SPIDR: variants seen among roughly 807,000 people sequenced by gnomAD.
The protein encoded by SPIDR is scaffold protein involved in DNA repair, also known as DNA repair-scaffolding protein.
In SPIDR, 93 loss-of-function variants were observed where a neutral mutation model predicts 104.6. That is an observed-to-expected ratio of 0.89 (90% CI 0.75 to 1.06). The LOEUF (loss-of-function observed/expected upper bound fraction) is 1.06. SPIDR is among the 50% of genes least tolerant of loss of function. The probability of loss-of-function intolerance (pLI) is 0.00; values close to 1 mark genes in which losing one functional copy is unlikely to be tolerated. For synonymous variants in SPIDR, 431 were observed against 416.9 expected (o/e 1.03, Z -0.41); for missense variants, 1,154 against 1,111.2 (o/e 1.04, Z -0.55).
Position 47,735,847 on chromosome 8 carries a change from T to TG in SPIDR, c.*398dup. The TG allele has an allele frequency of 2.8e-6, 1 of 357,770 alleles. No individual in the cohort carries two copies. The highest frequency in any genetic ancestry group is 5.2e-6 in the Non-Finnish European group (1 of 192,110). 22.2% of individuals were successfully genotyped at this position (357,770 alleles called of 1,614,324 possible). A position where few individuals can be genotyped will look rare whatever the true frequency, so the allele number is the denominator to read the frequency against. On this transcript the variant is annotated 3_prime_UTR_variant, in exon 20 of 20. Coordinates refer to ENST00000297423, the MANE Select transcript of SPIDR (RefSeq NM_001080394.4). ...TTTAACATTCCCCCAAAGAATACCCTGCAAAGTGTAAACCTTTGTCCCATA... is the reference window on the plus strand; with the variant it reads ...TTTAACATTCCCCCAAAGAATACCCTGGCAAAGTGTAAACCTTTGTCCCATA...
chr8:47,375,639 A>G (rs1427136198), intron 5 of SPIDR, among the ~76,000 whole-genome samples: 1 of 152,042 alleles, frequency 6.6e-6, no homozygotes, highest in Non-Finnish European at 1.5e-5. Flanking sequence ...TACTAGAAAA[A>G]TTTTTTTAAA....
intron 10 of SPIDR, among the ~76,000 whole-genome samples, chr8:47,645,581 A>T (rs1172063381): frequency 6.6e-6 from 1 of 152,216 alleles, no homozygotes; most frequent in East Asian, 1.9e-4. Flanking sequence ...AAACACTGTA[A>T]GATAAATAAC....
chr8:47,730,590 A>AT (rs373317602), intron 19 of SPIDR, among the ~76,000 whole-genome samples: 17 of 151,788 alleles, frequency 1.1e-4, no homozygotes, highest in Middle Eastern at 6.8e-3. Flanking sequence ...TCTAGCCAGA[A>AT]TTTTTTTTTA....
At position 47,443,745 on chromosome 8, in the gene SPIDR, G is replaced by A. The variant is rs371897580; in HGVS notation, c.1097+3203G>A. On this transcript the variant is annotated intron_variant, in intron 8 of 19. Coordinates refer to ENST00000297423, the MANE Select transcript of SPIDR (RefSeq NM_001080394.4). ...GCACCCTTCTGTGTTCATTTAAACTGTTTTTTTTTTTTAACATGGGCACAG... is the reference window on the plus strand; with the variant it reads ...GCACCCTTCTGTGTTCATTTAAACTATTTTTTTTTTTTAACATGGGCACAG... Among the ~76,000 whole-genome samples the A allele has an allele frequency of 1.6e-4, 22 of 137,284 alleles. No homozygotes were observed. In the East Asian group the frequency reaches 2.7e-3, roughly 17 times the overall value. The allele number at this position is 137,284 out of a possible 152,430, so 90.1% of individuals were successfully genotyped here.
At chr8:47,331,000 TTGTCAGCATTTGGTGG>T (rs1360091653) in intron 5 of SPIDR, 2 of 315,646 alleles carry the variant, frequency 6.3e-6, no homozygotes, top group African/African-American at 4.3e-5. Flanking sequence ...CTCCATATTC[TTGTCAGCATTTGGTGG>T]TGTCAGTGTT....
At chr8:47,312,023 T>G (rs1415177407) in intron 5 of SPIDR, among the ~76,000 whole-genome samples, 1 of 152,176 alleles carries the variant, frequency 6.6e-6, no homozygotes, top group Non-Finnish European at 1.5e-5. Context: ...TCCAGTTTGA[T>G]CCATGTCCCT....
chr8:47,500,310 T>C (rs567948998), intron 8 of SPIDR, among the ~76,000 whole-genome samples: 10 of 152,322 alleles, frequency 6.6e-5, no homozygotes, highest in Non-Finnish European at 1.2e-4. Flanking sequence ...ACCTGTTGTT[T>C]CCTGACTTTT....
chr8:47,384,128 T>C (rs2059622951), intron 5 of SPIDR, among the ~76,000 whole-genome samples: 1 of 152,210 alleles, frequency 6.6e-6, no homozygotes, highest in African/African-American at 2.4e-5. Context: ...TACTGAATTC[T>C]TAGGGCTACA....
At chr8:47,437,627 C>A (rs1296085881) in intron 7 of SPIDR, among the ~76,000 whole-genome samples, 1 of 151,962 alleles carries the variant, frequency 6.6e-6, no homozygotes, top group Non-Finnish European at 1.5e-5. Flanking sequence ...AGCCAAAAAA[C>A]ACATGAAAAA....
chr8:47,345,242 T>C (rs113929324), intron 5 of SPIDR, among the ~76,000 whole-genome samples: 5,280 of 152,340 alleles, frequency 0.035, 160 homozygotes, highest in Admixed American at 0.091. Context: ...TTTCTTGTTT[T>C]TGTCAGATTT....
At chr8:47,466,283 T>C (rs1367225572) in intron 8 of SPIDR, among the ~76,000 whole-genome samples, 1 of 152,168 alleles carries the variant, frequency 6.6e-6, no homozygotes, top group Non-Finnish European at 1.5e-5. Flanking sequence ...TAAAACACTC[T>C]TCTGCAAATG....
chr8:47,566,999 A>T (rs543518557), intron 8 of SPIDR, among the ~76,000 whole-genome samples: 17 of 152,340 alleles, frequency 1.1e-4, no homozygotes, highest in African/African-American at 3.6e-4. Flanking sequence ...TATATAAGTC[A>T]TCAGGTTAAG....
chr8:47,576,295 G>A lies in SPIDR; in HGVS notation c.1098-19516G>A, dbSNP rs149907144. 2.6e-4 allele frequency among the ~76,000 whole-genome samples: 39 copies of A among 152,282 alleles called. No individual in the cohort carries two copies. In the East Asian group the frequency reaches 7.5e-3, roughly 29 times the overall value. On this transcript the variant is annotated intron_variant, in intron 8 of 19. Coordinates refer to ENST00000297423, the MANE Select transcript of SPIDR (RefSeq NM_001080394.4). ...GCCTCCAGAGCAGCTAGGATTACAGGCACATGCCACCACACCCAGCTAATT... is the reference window on the plus strand; with the variant it reads ...GCCTCCAGAGCAGCTAGGATTACAGACACATGCCACCACACCCAGCTAATT...
intron 10 of SPIDR, among the ~76,000 whole-genome samples, chr8:47,605,372 A>G (rs889126905): frequency 1.3e-5 from 2 of 152,154 alleles, no homozygotes; most frequent in Non-Finnish European, 2.9e-5. Flanking sequence ...TGAGCACAGA[A>G]GCTCACTTAG....
intron 5 of SPIDR, among the ~76,000 whole-genome samples, chr8:47,341,642 G>A (rs150036282): frequency 7.6e-4 from 116 of 152,062 alleles, no homozygotes; most frequent in African/African-American, 2.4e-3. Flanking sequence ...CTCCACCCCT[G>A]TGTTTGCTGT....
rs1413114368 is a variant in SPIDR, at chr8:47,563,322, A to G, written c.1098-32489A>G. Among the ~76,000 whole-genome samples, 6 of 151,850 alleles carry G rather than the reference A, an allele frequency of 4.0e-5. No homozygotes were observed. In the South Asian group the frequency reaches 6.2e-4, roughly 16 times the overall value. ...GTAGCTGAGATTACCAGCGTGCACC[A>G]TGACACCTGACTCATTTTTCTTTTT... On this transcript the variant is annotated intron_variant, in intron 8 of 19. Transcript: ENST00000297423.
chr8:47,726,050 C>A (rs1261684407), intron 16 of SPIDR, among the ~76,000 whole-genome samples: 7 of 152,234 alleles, frequency 4.6e-5, no homozygotes, highest in Non-Finnish European at 1.0e-4. Flanking sequence ...TGCCCCGGCT[C>A]CTTTCTCCAC....
At position 47,328,545 on chromosome 8, in the gene SPIDR, G is replaced by A. The variant is rs782538613; in HGVS notation, c.525+34515G>A. ...GGTGATAACAAGCGTGAGCCACCAC[G>A]TTGGGTACCAACTTCATTTTTTTGA... is the stretch of plus-strand genomic sequence containing the variant. On this transcript the variant is annotated intron_variant, in intron 5 of 19. Transcript: ENST00000297423. Among the ~76,000 whole-genome samples the A allele has an allele frequency of 3.0e-4, 46 of 151,824 alleles. 1 individual carries two copies. Among genetic ancestry groups the A allele is most frequent in the Non-Finnish European group, 2.2e-4 (15 of 67,976 alleles).
At chr8:47,443,647 T>C (rs1227518450) in intron 8 of SPIDR, among the ~76,000 whole-genome samples, 11 of 151,804 alleles carry the variant, frequency 7.2e-5, no homozygotes, top group Admixed American at 7.2e-4. Context: ...CTAGTCTTTT[T>C]TTTTTTTATG....
Sources: allele counts gnomAD v4.1 joint callset (sites outside exome capture counted in the v4.1 genomes callset), GRCh38; gene constraint gnomAD v4.1.1; transcripts MANE v1.5; gene names NCBI Gene and HGNC (gene_info 2026-07-23, HGNC 2026-07-21).